Variants in DDX10 observed in about 807,000 individuals in gnomAD.
The protein encoded by DDX10 is probable ATP-dependent RNA helicase DDX10.
In DDX10, 74 loss-of-function variants were observed where a neutral mutation model predicts 104.3. The observed-to-expected ratio is 0.71, with a 90% CI of 0.59 to 0.86. The LOEUF (loss-of-function observed/expected upper bound fraction) is 0.86. Among genes scored for constraint, DDX10 ranks in the 40% least tolerant of loss-of-function variants. The pLI is 0.00. For missense variants in DDX10, 952 were observed against 1,040.0 expected (o/e 0.92, Z 1.16); for synonymous variants, 351 against 353.4 (o/e 0.99, Z 0.08).
intron 13 of DDX10, among the ~76,000 whole-genome samples, chr11:108,774,082 T>C (rs2094366767): frequency 6.6e-6 from 1 of 152,240 alleles, no homozygotes; most frequent in Non-Finnish European, 1.5e-5. Context: ...CCTAAGCTAG[T>C]ACTGTGTAAG....
intron 13 of DDX10, among the ~76,000 whole-genome samples, chr11:108,728,961 G>C (rs1033860176): frequency 3.9e-5 from 6 of 152,122 alleles, no homozygotes; most frequent in African/African-American, 1.4e-4. Context: ...TGGATACTTA[G>C]GTTAATATCC....
intron 9 of DDX10, among the ~76,000 whole-genome samples, chr11:108,706,341 G>T (rs1342428544): frequency 6.7e-6 from 1 of 150,370 alleles, no homozygotes; most frequent in African/African-American, 2.4e-5. Context: ...AAAATCCCCA[G>T]GAAGAGGAAT....
At chr11:108,698,275 C>T (rs1020043520) in intron 9 of DDX10, among the ~76,000 whole-genome samples, 1 of 152,166 alleles carries the variant, frequency 6.6e-6, no homozygotes, top group Non-Finnish European at 1.5e-5. Context: ...AGTAAAAAGA[C>T]AGTTTTCATG....
chr11:108,819,788 G>A (rs1243408913), intron 13 of DDX10, among the ~76,000 whole-genome samples: 3 of 151,958 alleles, frequency 2.0e-5, no homozygotes, highest in Non-Finnish European at 4.4e-5. Flanking sequence ...TAGTAGAGAC[G>A]AGGTTTCACC....
chr11:108,894,040 G>A (rs2726896), intron 16 of DDX10, among the ~76,000 whole-genome samples: 123,871 of 152,006 alleles, frequency 0.81, 50,703 homozygotes, highest in South Asian at 0.88. Flanking sequence ...AACTGTAAAG[G>A]GATGGAATAG....
At chr11:108,837,724 G>A (rs1379728188) in intron 13 of DDX10, among the ~76,000 whole-genome samples, 2 of 138,776 alleles carry the variant, frequency 1.4e-5, no homozygotes, top group South Asian at 4.8e-4. Context: ...CTGGGTTCAA[G>A]CAATTCCCCT....
At chr11:108,907,193 AAAAT>A (rs1479559888) in intron 16 of DDX10, among the ~76,000 whole-genome samples, 1 of 152,134 alleles carries the variant, frequency 6.6e-6, no homozygotes, top group Non-Finnish European at 1.5e-5. Context: ...GATGAGGAAA[AAAAT>A]AAGGTATTGA....
intron 17 of DDX10, among the ~76,000 whole-genome samples, chr11:108,934,351 A>G (rs1454589941): frequency 6.6e-6 from 1 of 152,228 alleles, no homozygotes; most frequent in Non-Finnish European, 1.5e-5. Flanking sequence ...TAATAGAAGC[A>G]TGTTTACTTT....
chr11:108,728,466 A>G (rs1434002664), intron 13 of DDX10, among the ~76,000 whole-genome samples: 1 of 150,090 alleles, frequency 6.7e-6, no homozygotes, highest in Admixed American at 6.6e-5. Context: ...AGAGATAACA[A>G]CTGTCTTTGT....
chr11:108,927,635 C>CTTTTTTT (rs147115643), intron 17 of DDX10, among the ~76,000 whole-genome samples: 17 of 146,504 alleles, frequency 1.2e-4, no homozygotes, highest in Non-Finnish European at 1.0e-4. Flanking sequence ...GCACTTGGAA[C>CTTTTTTT]TTTTTTTTTT....
At chr11:108,888,322 T>G (rs1168763149) in intron 16 of DDX10, among the ~76,000 whole-genome samples, 1 of 152,208 alleles carries the variant, frequency 6.6e-6, no homozygotes, top group Non-Finnish European at 1.5e-5. Flanking sequence ...GTGGCTCCAA[T>G]TATCTTAATA....
intron 17 of DDX10, among the ~76,000 whole-genome samples, chr11:108,931,615 T>C (rs1338420928): frequency 6.6e-6 from 1 of 152,184 alleles, no homozygotes; most frequent in Admixed American, 6.5e-5. Flanking sequence ...ACCTGTAAAG[T>C]TAAGGGGATA....
At chr11:108,796,859 G>C (rs967477198) in intron 13 of DDX10, among the ~76,000 whole-genome samples, 1 of 152,160 alleles carries the variant, frequency 6.6e-6, no homozygotes, top group African/African-American at 2.4e-5. Context: ...CCTAAAAAAG[G>C]ACAAGTTTGG....
chr11:108,673,970 C>A (rs2094220509), intron 2 of DDX10, among the ~76,000 whole-genome samples: 1 of 152,202 alleles, frequency 6.6e-6, no homozygotes, highest in South Asian at 2.1e-4. Context: ...TTGTTCCAGG[C>A]CTCCTTGGCT....
intron 16 of DDX10, among the ~76,000 whole-genome samples, chr11:108,916,723 A>G (rs1159543187): frequency 6.6e-6 from 1 of 152,200 alleles, no homozygotes; most frequent in Non-Finnish European, 1.5e-5. Flanking sequence ...TGCATGTGCC[A>G]CTGCTTGTTT....
chr11:108,709,401 C>T (rs543723220), intron 10 of DDX10, among the ~76,000 whole-genome samples: 7 of 152,280 alleles, frequency 4.6e-5, no homozygotes, highest in South Asian at 2.1e-4. Context: ...AATTTATGGG[C>T]GAGCCCATCC....
At chr11:108,750,926 C>CTTTTTTTTTTTTTTTTTTTTTTTTTTTTT (rs10582729) in intron 13 of DDX10, among the ~76,000 whole-genome samples, 3 of 24,262 alleles carry the variant, frequency 1.2e-4, no homozygotes, top group African/African-American at 1.9e-4. Context: ...CACCTGGTTA[C>CTTTTTTTTTTTTTTTTTTTTTTTTTTTTT]TTTTTTTTTT....
intron 1 of DDX10, among the ~76,000 whole-genome samples, chr11:108,672,990 T>G (rs566979798): frequency 2.1e-3 from 315 of 152,366 alleles, no homozygotes; most frequent in African/African-American, 7.3e-3. Context: ...GTTAAAACTT[T>G]GAAAGGATTG....
chr11:108,833,809 T>C (rs1398469489), intron 13 of DDX10, among the ~76,000 whole-genome samples: 3 of 152,328 alleles, frequency 2.0e-5, no homozygotes, highest in Non-Finnish European at 2.9e-5. Flanking sequence ...TTCTGATTTT[T>C]CCCCCTTCTT....
Sources: allele counts gnomAD v4.1 joint callset (sites outside exome capture counted in the v4.1 genomes callset), GRCh38; gene constraint gnomAD v4.1.1; transcripts MANE v1.5; gene names NCBI Gene and HGNC (gene_info 2026-07-23, HGNC 2026-07-21).